The following CNTN1 variants were observed in gnomAD, a reference collection of about 807,000 sequenced individuals.
CNTN1 encodes contactin-1.
CNTN1 carries 38 observed loss-of-function variants against 126.4 expected under a neutral mutation model. That is an observed-to-expected ratio of 0.30 (90% CI 0.23 to 0.39). CNTN1 has a LOEUF of 0.39. CNTN1 is among the 10% of genes least tolerant of loss of function. The probability of loss-of-function intolerance (pLI) is 1.00; values close to 1 mark genes in which losing one functional copy is unlikely to be tolerated. For missense variants in CNTN1, 1,009 were observed against 1,248.4 expected, an observed-to-expected ratio of 0.81 and a Z score of 2.89; for synonymous variants, 413 against 422.6, an observed-to-expected ratio of 0.98 and a Z score of 0.28.
At position 40,924,636 on chromosome 12, in the gene CNTN1, C is replaced by G. The variant is rs771697105; in HGVS notation, c.480C>G (p.Pro160=). 1 of 1,593,992 alleles carries G rather than the reference C, an allele frequency of 6.3e-7. No individual in the cohort carries two copies. Among genetic ancestry groups the G allele is most frequent in the African/African-American group, 1.3e-5 (1 of 74,418 alleles). ...EGKGMVLLCD[P]PYHFPDDLSY... is the part of the protein sequence containing the mutation. Reference sequence around the variant, plus strand: ...AAGGAATGGTGCTTCTCTGTGACCCCCCATACCATTTTCCAGGTAAACTTA... The same window carrying G: ...AAGGAATGGTGCTTCTCTGTGACCCGCCATACCATTTTCCAGGTAAACTTA... Residue 160 remains proline (P), a synonymous_variant, in exon 6 of 24, where the codon CCC becomes CCG. Coordinates refer to ENST00000551295, the MANE Select transcript of CNTN1 (RefSeq NM_001843.4).
chr12:40,701,587 G>A (rs1361115942), intron 1 of CNTN1, among the ~76,000 whole-genome samples: 3 of 151,992 alleles, frequency 2.0e-5, no homozygotes, highest in African/African-American at 7.2e-5. Context: ...CCTTTGTAGA[G>A]TATTTTTATA....
intron 21 of CNTN1, among the ~76,000 whole-genome samples, chr12:41,025,948 C>G (rs1949029980): frequency 6.6e-6 from 1 of 152,098 alleles, no homozygotes; most frequent in African/African-American, 2.4e-5. Flanking sequence ...TAGGGAATGT[C>G]TCAAGAATCT....
intron 23 of CNTN1, among the ~76,000 whole-genome samples, chr12:41,033,907 G>A (rs999055306): frequency 5.3e-5 from 8 of 151,142 alleles, no homozygotes; most frequent in Admixed American, 2.0e-4. Flanking sequence ...AAAATTAGCC[G>A]GGCGTGGTGG....
At chr12:40,999,314 ATAAT>A (rs1948297792) in intron 17 of CNTN1, among the ~76,000 whole-genome samples, 1 of 152,252 alleles carries the variant, frequency 6.6e-6, no homozygotes, top group African/African-American at 2.4e-5. Context: ...TAAATGATTA[ATAAT>A]TCAATAATTT....
At chr12:40,733,271 T>C (rs1942542640) in intron 1 of CNTN1, among the ~76,000 whole-genome samples, 1 of 151,990 alleles carries the variant, frequency 6.6e-6, no homozygotes, top group African/African-American at 2.4e-5. Context: ...AATAAGGCTA[T>C]ATTTTTTTTG....
chr12:41,066,929 G>T (rs909277547), intron 23 of CNTN1, among the ~76,000 whole-genome samples: 1 of 152,082 alleles, frequency 6.6e-6, no homozygotes, highest in African/African-American at 2.4e-5. Context: ...TTATTCACAA[G>T]ATCAATGATT....
chr12:40,961,551 T>C (rs1322844602), intron 15 of CNTN1, among the ~76,000 whole-genome samples: 1 of 151,894 alleles, frequency 6.6e-6, no homozygotes, highest in Non-Finnish European at 1.5e-5. Flanking sequence ...TAACCTGGAG[T>C]CTATGAACAG....
At chr12:41,055,741 T>A (rs951371325) in intron 23 of CNTN1, among the ~76,000 whole-genome samples, 3 of 152,084 alleles carry the variant, frequency 2.0e-5, no homozygotes, top group African/African-American at 7.2e-5. Context: ...TTAATCACAT[T>A]TAGATGGTTC....
chr12:40,922,863 C>T lies in CNTN1; in HGVS notation c.400+435C>T, dbSNP rs558039663. On this transcript the variant is annotated intron_variant, in intron 5 of 23. Coordinates refer to ENST00000551295, the MANE Select transcript of CNTN1 (RefSeq NM_001843.4). ...GTGCATGCCTGTAATCCCAGCTACT[C>T]GGGAGGCTGAGGCAGGAGAATTGAT... Among the ~76,000 whole-genome samples, 10 of 150,436 alleles carry T rather than the reference C, an allele frequency of 6.6e-5. No individual in the cohort carries two copies. The East Asian group carries it at 1.6e-3, about 24-fold the overall frequency.
At chr12:41,001,379 T>C (rs1948356730) in intron 17 of CNTN1, among the ~76,000 whole-genome samples, 1 of 152,216 alleles carries the variant, frequency 6.6e-6, no homozygotes, top group South Asian at 2.1e-4. Flanking sequence ...TTTCATATGA[T>C]TGTTGGCCAT....
At chr12:40,940,457 A>G (rs1946229143) in intron 12 of CNTN1, among the ~76,000 whole-genome samples, 1 of 152,154 alleles carries the variant, frequency 6.6e-6, no homozygotes, top group Admixed American at 6.6e-5. Context: ...CACTTTTGTC[A>G]TTTGAAAGAC....
At chr12:40,777,387 T>C (rs1489239168) in intron 1 of CNTN1, among the ~76,000 whole-genome samples, 1 of 151,686 alleles carries the variant, frequency 6.6e-6, no homozygotes, top group East Asian at 1.9e-4. Flanking sequence ...TAATGTTACA[T>C]ATGCTGTCTG....
At chr12:40,969,792 A>G (rs1213216401) in intron 15 of CNTN1, among the ~76,000 whole-genome samples, 1 of 152,194 alleles carries the variant, frequency 6.6e-6, no homozygotes, top group African/African-American at 2.4e-5. Flanking sequence ...GAGAGTTAGC[A>G]TGCTACCAGG....
intron 1 of CNTN1, among the ~76,000 whole-genome samples, chr12:40,712,410 CTATTTTATTT>C (rs552384488): frequency 4.6e-5 from 7 of 151,970 alleles, no homozygotes; most frequent in Non-Finnish European, 8.8e-5. Context: ...TGTGTATCTG[CTATTTTATTT>C]TATTTTATTT....
At chr12:40,908,004 T>C (rs17128925) in intron 1 of CNTN1, among the ~76,000 whole-genome samples, 10,040 of 152,224 alleles carry the variant, frequency 0.066, 544 homozygotes, top group Admixed American at 0.17. Flanking sequence ...TTTACAACTG[T>C]GCTATTTGTA....
chr12:40,821,442 A>T (rs529097631), intron 1 of CNTN1, among the ~76,000 whole-genome samples: 1 of 152,346 alleles, frequency 6.6e-6, no homozygotes, highest in Non-Finnish European at 1.5e-5. Flanking sequence ...TATTAGAATT[A>T]CTTGTTATAC....
At chr12:40,909,019 CA>C (rs1944933321) in intron 2 of CNTN1, among the ~76,000 whole-genome samples, 4 of 152,106 alleles carry the variant, frequency 2.6e-5, no homozygotes, top group Admixed American at 2.0e-4. Flanking sequence ...CCATGTTTAA[CA>C]ACTGATTCAC....
At position 40,865,608 on chromosome 12, in the gene CNTN1, C is replaced by T. The variant is rs150180916; in HGVS notation, c.-76-42749C>T. ...CCATATACTCATTGAACTGTCTTCA[C>T]ATTCTTTTCAAAATCTATTGACCAT... is the stretch of plus-strand genomic sequence containing the variant. On this transcript the variant is annotated intron_variant, in intron 1 of 23. Transcript: ENST00000551295. 4.0e-3 allele frequency among the ~76,000 whole-genome samples: 608 copies of T among 152,108 alleles called. 1 individual carries two copies. The highest frequency in any genetic ancestry group is 0.014 in the African/African-American group (588 of 41,538).
intron 12 of CNTN1, among the ~76,000 whole-genome samples, chr12:40,939,842 T>C (rs955683310): frequency 1.1e-4 from 16 of 152,186 alleles, no homozygotes; most frequent in Non-Finnish European, 2.1e-4. Context: ...CTGGCATCTA[T>C]ATCCATTCAT....
Sources: gnomAD v4.1 joint callset for allele counts (sites outside exome capture counted in the v4.1 genomes callset) on GRCh38, gnomAD v4.1.1 for gene constraint, MANE v1.5 for transcripts, NCBI Gene and HGNC (gene_info 2026-07-23, HGNC 2026-07-21) for gene names.